The following SGCZ variants were observed in gnomAD, a reference collection of about 807,000 sequenced individuals.
The protein encoded by SGCZ is sarcoglycan zeta.
SGCZ carries 40 observed loss-of-function variants against 41.3 expected under a neutral mutation model. That is an observed-to-expected ratio of 0.97 (90% CI 0.75 to 1.26). The LOEUF (loss-of-function observed/expected upper bound fraction) is 1.26, where lower values mean the gene tolerates loss of function less well. Ranked by LOEUF, SGCZ falls within the 50% of genes most tolerant of loss-of-function variation. The probability of loss-of-function intolerance (pLI) is 0.00; values close to 1 mark genes in which losing one functional copy is unlikely to be tolerated. For missense variants in SGCZ, 552 were observed against 369.8 expected, an observed-to-expected ratio of 1.49 and a Z score of -4.04; for synonymous variants, 206 against 137.5, an observed-to-expected ratio of 1.50 and a Z score of -3.49.
At chr8:14,405,366 C>T (rs1292451891) in intron 2 of SGCZ, among the ~76,000 whole-genome samples, 1 of 100,072 alleles carries the variant, frequency 1.0e-5, no homozygotes, top group African/African-American at 2.7e-5. Context: ...TTTTTTCTCA[C>T]ACACATTCCA....
intron 4 of SGCZ, among the ~76,000 whole-genome samples, chr8:14,194,482 T>C (rs1585219556): frequency 1.3e-5 from 2 of 152,046 alleles, no homozygotes; most frequent in Middle Eastern, 3.4e-3. Context: ...ATTGTGGTCA[T>C]ACTTTGCTTG....
chr8:14,312,138 C>G (rs1300281114), intron 3 of SGCZ, among the ~76,000 whole-genome samples: 1 of 152,050 alleles, frequency 6.6e-6, no homozygotes, highest in Non-Finnish European at 1.5e-5. Flanking sequence ...ATTCTTTATA[C>G]GTATATGTAT....
intron 1 of SGCZ, among the ~76,000 whole-genome samples, chr8:15,214,222 C>A (rs1017069296): frequency 6.6e-6 from 1 of 151,950 alleles, no homozygotes; most frequent in East Asian, 1.9e-4. Context: ...AAATTATTTT[C>A]TTTTTTTAAA....
At chr8:15,205,554 A>G (rs1308510354) in intron 1 of SGCZ, among the ~76,000 whole-genome samples, 6 of 152,222 alleles carry the variant, frequency 3.9e-5, no homozygotes, top group African/African-American at 1.4e-4. Flanking sequence ...CCACAGAGAG[A>G]TACCATCTCA....
chr8:14,471,529 G>T (rs981013323), intron 2 of SGCZ, among the ~76,000 whole-genome samples: 1 of 151,892 alleles, frequency 6.6e-6, no homozygotes, highest in African/African-American at 2.4e-5. Flanking sequence ...GTTTCTCAGT[G>T]GAGACTGTGT....
chr8:15,034,609 C>T (rs568370490), intron 1 of SGCZ, among the ~76,000 whole-genome samples: 2 of 152,084 alleles, frequency 1.3e-5, no homozygotes, highest in South Asian at 2.1e-4. Context: ...ACAGAAAGGT[C>T]AAAGGTCTCC....
At chr8:14,567,601 C>T (rs541509979) in intron 1 of SGCZ, among the ~76,000 whole-genome samples, 2 of 152,262 alleles carry the variant, frequency 1.3e-5, no homozygotes, top group African/African-American at 4.8e-5. Flanking sequence ...AGCAGGCTGC[C>T]TAAGCCAGCA....
intron 1 of SGCZ, among the ~76,000 whole-genome samples, chr8:14,837,657 G>C (rs1465799008): frequency 2.0e-5 from 3 of 152,046 alleles, no homozygotes; most frequent in African/African-American, 7.2e-5. Flanking sequence ...CTTCATTCTT[G>C]TACTGTCAAT....
chr8:15,235,223 G>T (rs1017102747), intron 1 of SGCZ, among the ~76,000 whole-genome samples: 2 of 152,122 alleles, frequency 1.3e-5, no homozygotes, highest in Non-Finnish European at 2.9e-5. Flanking sequence ...TATTCCACGC[G>T]CACTGCATCC....
At position 14,164,599 on chromosome 8, in the gene SGCZ, A is replaced by C. The variant is rs1804149951; in HGVS notation, c.528T>G (p.Ala176=). The C allele has an allele frequency of 1.2e-6, 2 of 1,613,366 alleles. No individual in the cohort carries two copies. Among genetic ancestry groups the C allele is most frequent in the African/African-American group, 2.7e-5 (2 of 74,880 alleles). ...SADEDEITIG[A]EKLKVTGTEG... is the part of the protein sequence containing the mutation. Reference sequence around the variant, plus strand: ...CAGTACCTGTAACTTTCAGCTTTTCAGCCCCAATGGTAATCTCATCTTCAT... The same window carrying C: ...CAGTACCTGTAACTTTCAGCTTTTCCGCCCCAATGGTAATCTCATCTTCAT... The change falls in exon 5 of 8, where the codon GCT becomes GCG. Residue 176 remains alanine, a synonymous_variant. Transcript: ENST00000382080.
At chr8:14,259,211 T>G (rs1220232727) in intron 3 of SGCZ, among the ~76,000 whole-genome samples, 1 of 152,156 alleles carries the variant, frequency 6.6e-6, no homozygotes, top group Non-Finnish European at 1.5e-5. Flanking sequence ...CTGAGTTAAT[T>G]AAAAACACAC....
chr8:14,232,959 T>G (rs988123972), intron 4 of SGCZ, among the ~76,000 whole-genome samples: 15 of 152,062 alleles, frequency 9.9e-5, no homozygotes, highest in Non-Finnish European at 2.1e-4. Context: ...ACTGGGATAA[T>G]AATATAGATG....
intron 1 of SGCZ, among the ~76,000 whole-genome samples, chr8:14,960,523 G>C (rs766446453): frequency 6.6e-6 from 1 of 152,106 alleles, no homozygotes; most frequent in East Asian, 1.9e-4. Flanking sequence ...AGCAGCTGAA[G>C]AACATAATCT....
At chr8:14,819,009 T>C (rs1321686128) in intron 1 of SGCZ, among the ~76,000 whole-genome samples, 2 of 151,822 alleles carry the variant, frequency 1.3e-5, no homozygotes, top group Non-Finnish European at 2.9e-5. Context: ...CTGAAAACAT[T>C]CTATGTATTG....
intron 2 of SGCZ, among the ~76,000 whole-genome samples, chr8:14,454,164 T>A (rs1800676772): frequency 6.6e-6 from 1 of 152,164 alleles, no homozygotes; most frequent in African/African-American, 2.4e-5. Flanking sequence ...TGTCAGATAG[T>A]AAGAGCCAAG....
chr8:14,838,469 A>G (rs1278364141), intron 1 of SGCZ, among the ~76,000 whole-genome samples: 1 of 152,076 alleles, frequency 6.6e-6, no homozygotes. Flanking sequence ...AGAAGACAAT[A>G]TTCCTCTGCC....
intron 2 of SGCZ, among the ~76,000 whole-genome samples, chr8:14,378,203 C>G (rs1804211141): frequency 6.6e-6 from 1 of 150,658 alleles, no homozygotes; most frequent in Admixed American, 6.6e-5. Context: ...TGTTTCCTGA[C>G]TTTTTAATGA....
At chr8:15,222,938 T>C (rs1801652792) in intron 1 of SGCZ, among the ~76,000 whole-genome samples, 1 of 152,164 alleles carries the variant, frequency 6.6e-6, no homozygotes, top group Non-Finnish European at 1.5e-5. Flanking sequence ...TAGTTACAAA[T>C]TGCATGAGTT....
At chr8:14,236,198 G>C (rs1418146412) in intron 4 of SGCZ, among the ~76,000 whole-genome samples, 2 of 152,098 alleles carry the variant, frequency 1.3e-5, no homozygotes, top group African/African-American at 2.4e-5. Context: ...GATGGTTCTT[G>C]CTTCTGAATC....
Sources: gnomAD v4.1 joint callset for allele counts (sites outside exome capture counted in the v4.1 genomes callset) on GRCh38, gnomAD v4.1.1 for gene constraint, MANE v1.5 for transcripts, NCBI Gene and HGNC (gene_info 2026-07-23, HGNC 2026-07-21) for gene names.